TPRG1: variants seen among roughly 807,000 people sequenced by gnomAD.
TPRG1 encodes tumor protein p63 regulated 1.
A neutral mutation model predicts 29.3 loss-of-function variants in TPRG1; 29 were observed. The ratio of observed to expected loss-of-function variants is 0.99; its 90% confidence interval spans 0.74 to 1.35. The LOEUF is 1.35. Among genes scored for constraint, TPRG1 ranks in the 40% most tolerant of loss-of-function variants. The pLI is 0.00. For missense variants in TPRG1, 327 were observed against 335.0 expected (o/e 0.98, Z 0.19); for synonymous variants, 130 against 116.8 (o/e 1.11, Z -0.73).
chr3:189,298,920 C>T (rs534700669), intron 4 of TPRG1, among the ~76,000 whole-genome samples: 1 of 152,246 alleles, frequency 6.6e-6, no homozygotes, highest in Non-Finnish European at 1.5e-5. Flanking sequence ...CGGGCAGACC[C>T]ATGGTTTCCT....
In TPRG1 at chr3:189,215,303, T is replaced by C. The variant is rs776944051; in HGVS notation, c.222T>C (p.Ile74=). The change falls in exon 3 of 6, where the codon ATT becomes ATC. Residue 74 remains isoleucine, a synonymous_variant. Coordinates refer to ENST00000345063, the MANE Select transcript of TPRG1 (RefSeq NM_198485.4). ...TCCTTTCCACACAGCCGGGGGCCAT[T>C]GAGACTGCCATGGAAGACTTGAAAG... is the stretch of plus-strand genomic sequence containing the variant. ...RKYFATRPGA[I]ETAMEDLKGH... is the part of the protein sequence containing the mutation. 1.9e-6 allele frequency: 3 copies of C among 1,611,784 alleles called. No individual in the cohort carries two copies. In the South Asian group the frequency reaches 3.3e-5, roughly 18 times the overall value.
At chr3:189,211,639 G>A (rs201217398) in intron 2 of TPRG1, 13 of 151,932 alleles carry the variant, frequency 8.6e-5, no homozygotes, top group Admixed American at 2.6e-4. Context: ...ACTTAGCTTC[G>A]GAGCTCCCAG....
At chr3:189,107,223 G>C (rs1248865291) in intron 1 of TPRG1, among the ~76,000 whole-genome samples, 1 of 151,988 alleles carries the variant, frequency 6.6e-6, no homozygotes, top group African/African-American at 2.4e-5. Flanking sequence ...GAATGTGAAG[G>C]GGAGATCTCA....
chr3:189,015,470 G>A (rs531920273), intron 3 of TPRG1, among the ~76,000 whole-genome samples: 21 of 152,340 alleles, frequency 1.4e-4, no homozygotes, highest in South Asian at 6.2e-4. Context: ...AAAGCTGCTT[G>A]CAGAAATTTG....
chr3:189,188,756 A>G (rs1331243971), intron 1 of TPRG1, among the ~76,000 whole-genome samples: 1 of 152,160 alleles, frequency 6.6e-6, no homozygotes. Context: ...TTCTTGTAAG[A>G]TAAGCCTTGC....
chr3:189,012,634 T>C (rs1020272377), intron 3 of TPRG1, among the ~76,000 whole-genome samples: 3 of 152,182 alleles, frequency 2.0e-5, no homozygotes, highest in African/African-American at 7.2e-5. Flanking sequence ...CTGGACTTTT[T>C]TGGTTGGTAG....
intron 1 of TPRG1, among the ~76,000 whole-genome samples, chr3:189,124,390 A>T (rs1210303179): frequency 6.6e-6 from 1 of 152,194 alleles, no homozygotes; most frequent in Non-Finnish European, 1.5e-5. Context: ...TTCAAACTGT[A>T]CTGTGACAAC....
rs185204031 is a variant in TPRG1 at position 189,242,461 on chromosome 3, G to T, written c.479+3552G>T. On this transcript the variant is annotated intron_variant, in intron 4 of 5. Coordinates refer to ENST00000345063, the MANE Select transcript of TPRG1 (RefSeq NM_198485.4). ...TATTAAGTCAGTTCTTCATTCCTAA[G>T]GTAAACATGTTTGGTTGTGACATAT... Among the ~76,000 whole-genome samples the T allele has an allele frequency of 3.4e-3, 521 of 151,986 alleles. 6 individuals are homozygous for T. Among genetic ancestry groups the T allele is most frequent in the Non-Finnish European group, 1.5e-3 (99 of 67,954 alleles).
At chr3:189,275,648 G>A (rs1349751102) in intron 4 of TPRG1, among the ~76,000 whole-genome samples, 2 of 152,104 alleles carry the variant, frequency 1.3e-5, no homozygotes, top group African/African-American at 4.8e-5. Context: ...TGAAGGTATT[G>A]TGGATGTGAT....
In TPRG1 at chr3:189,251,412, G is replaced by A. The variant is rs534892939; in HGVS notation, c.479+12503G>A. 2.2e-4 allele frequency among the ~76,000 whole-genome samples: 34 copies of A among 152,188 alleles called. 1 individual carries two copies. Among genetic ancestry groups the A allele is most frequent in the Middle Eastern group, 6.8e-3 (2 of 294 alleles). ...CCCTCCACACCTGTGGGTGTTTCTC[G>A]TTAGGTGGAACGAGAGACTTGGAAA... On this transcript the variant is annotated intron_variant, in intron 4 of 5. Coordinates refer to ENST00000345063, the MANE Select transcript of TPRG1 (RefSeq NM_198485.4).
At chr3:189,304,842 T>G (rs1327026986) in intron 4 of TPRG1, among the ~76,000 whole-genome samples, 1 of 152,040 alleles carries the variant, frequency 6.6e-6, no homozygotes, top group East Asian at 1.9e-4. Context: ...AGAAAATAGA[T>G]CATGTTGTTC....
Position 189,215,289 on chromosome 3 carries a change from C to CAG in TPRG1, c.211-2_211-1dup. 1 of 1,608,106 alleles carries CAG rather than the reference C, an allele frequency of 6.2e-7. No homozygotes were observed. Among genetic ancestry groups the CAG allele is most frequent in the South Asian group, 1.1e-5 (1 of 89,722 alleles). On this transcript the variant is annotated splice_polypyrimidine_tract_variant and splice_region_variant and intron_variant, in intron 2 of 5. Transcript: ENST00000345063. ...AACTAGGTATTTTCTCCTTTCCACA[C>CAG]AGCCGGGGGCCATTGAGACTGCCAT...
intron 4 of TPRG1, among the ~76,000 whole-genome samples, chr3:189,087,510 A>G (rs1718032832): frequency 6.6e-6 from 1 of 152,108 alleles, no homozygotes; most frequent in African/African-American, 2.4e-5. Flanking sequence ...CTTTAGTTTA[A>G]TTGGATCCCG....
chr3:189,063,469 T>C (rs938551460), intron 4 of TPRG1, among the ~76,000 whole-genome samples: 2 of 152,132 alleles, frequency 1.3e-5, no homozygotes, highest in African/African-American at 4.8e-5. Context: ...AAACTTTTTT[T>C]CAAGTGCCCA....
intron 1 of TPRG1, among the ~76,000 whole-genome samples, chr3:189,173,171 G>T (rs1377329574): frequency 6.6e-6 from 1 of 151,912 alleles, no homozygotes; most frequent in Non-Finnish European, 1.5e-5. Flanking sequence ...GTTGTGGAAG[G>T]AAATGTTTCC....
At chr3:189,098,986 CAA>C (rs762123746), upstream of TPRG1, among the ~76,000 whole-genome samples, 4 of 152,138 alleles carry the variant, frequency 2.6e-5, no homozygotes, top group Non-Finnish European at 5.9e-5. Flanking sequence ...AAGCTGCAAG[CAA>C]ACAGAGACGG....
intron 3 of TPRG1, among the ~76,000 whole-genome samples, chr3:189,015,140 A>G (rs1712859501): frequency 6.6e-6 from 1 of 152,310 alleles, no homozygotes; most frequent in Admixed American, 6.5e-5. Context: ...GGAGATGAAG[A>G]ACTTATTGGG....
intron 3 of TPRG1, among the ~76,000 whole-genome samples, chr3:189,005,816 T>C (rs1012324733): frequency 2.0e-5 from 3 of 152,090 alleles, no homozygotes; most frequent in Non-Finnish European, 4.4e-5. Context: ...CACAGGTCCA[T>C]ATGATGAAAT....
chr3:189,186,897 C>A (rs897796357), intron 1 of TPRG1, among the ~76,000 whole-genome samples: 1 of 151,658 alleles, frequency 6.6e-6, no homozygotes, highest in South Asian at 2.1e-4. Flanking sequence ...ATTCCTCTAG[C>A]ATAGATTCAG....
Sources: gnomAD v4.1 joint callset for allele counts (sites outside exome capture counted in the v4.1 genomes callset) on GRCh38, gnomAD v4.1.1 for gene constraint, MANE v1.5 for transcripts, NCBI Gene and HGNC (gene_info 2026-07-23, HGNC 2026-07-21) for gene names.